The following ELMO1 variants were observed in gnomAD, a reference collection of about 807,000 sequenced individuals.
ELMO1 encodes engulfment and cell motility 1.
ELMO1 carries 26 observed loss-of-function variants against 98.9 expected under a neutral mutation model. The ratio of observed to expected loss-of-function variants is 0.26; its 90% CI spans 0.19 to 0.36. The LOEUF (loss-of-function observed/expected upper bound fraction) is 0.36, where lower values mean the gene tolerates loss of function less well. ELMO1 is among the 10% of genes least tolerant of loss of function. ELMO1 has a pLI of 1.00. For missense variants in ELMO1, 627 were observed against 935.2 expected, an observed-to-expected ratio of 0.67 and a Z score of 4.30; for synonymous variants, 346 against 346.0, an observed-to-expected ratio of 1.00 and a Z score of 0.00.
chr7:37,031,678 A>C (rs952578385), intron 15 of ELMO1, among the ~76,000 whole-genome samples: 7 of 152,152 alleles, frequency 4.6e-5, no homozygotes, highest in African/African-American at 1.7e-4. Context: ...CTTGAGGCTT[A>C]GGACTACGCC....
chr7:37,332,549 A>C (rs1312463996), intron 2 of ELMO1, among the ~76,000 whole-genome samples: 1 of 152,250 alleles, frequency 6.6e-6, no homozygotes, highest in Non-Finnish European at 1.5e-5. Flanking sequence ...CTTACACTTC[A>C]TCTGGGATGG....
intron 15 of ELMO1, among the ~76,000 whole-genome samples, chr7:37,014,398 GTCTT>G (rs567049797): frequency 5.0e-4 from 76 of 152,122 alleles, no homozygotes; most frequent in African/African-American, 1.8e-3. Flanking sequence ...TACAGTGAAA[GTCTT>G]TCTATTTTAT....
intron 14 of ELMO1, among the ~76,000 whole-genome samples, chr7:37,106,973 G>GC (rs930946397): frequency 6.6e-6 from 1 of 152,174 alleles, no homozygotes; most frequent in Admixed American, 6.5e-5. Context: ...TGCTGACGCT[G>GC]CAAGTCCAGG....
intron 1 of ELMO1, among the ~76,000 whole-genome samples, chr7:37,387,686 C>T (rs74830391): frequency 0.095 from 14,484 of 152,212 alleles, 754 homozygotes; most frequent in Non-Finnish European, 0.11. Flanking sequence ...GGAACTTACT[C>T]CTGTGGGAAA....
chr7:37,439,457 T>G (rs1405745617), intron 1 of ELMO1, among the ~76,000 whole-genome samples: 1 of 152,238 alleles, frequency 6.6e-6, no homozygotes, highest in Non-Finnish European at 1.5e-5. Flanking sequence ...CTGTTATGAC[T>G]GTCTCTAAAC....
chr7:37,034,311 C>T (rs919307049), intron 15 of ELMO1, among the ~76,000 whole-genome samples: 1 of 152,086 alleles, frequency 6.6e-6, no homozygotes, highest in Non-Finnish European at 1.5e-5. Flanking sequence ...TGAAGACACA[C>T]GAGAATATGG....
chr7:37,161,905 A>AATATATATATATATATATATATATATAT lies in ELMO1; in HGVS notation c.1087-28699_1087-28672dup, dbSNP rs6150082. Among the ~76,000 whole-genome samples the AATATATATATATATATATATATATATAT allele has an allele frequency of 9.7e-3, 411 of 42,318 alleles. 74 individuals are homozygous for AATATATATATATATATATATATATATAT. The highest frequency in any genetic ancestry group is 0.015 in the Non-Finnish European group (283 of 19,402). 27.8% of individuals were successfully genotyped at this position (42,318 alleles called of 152,430 possible). On this transcript the variant is annotated intron_variant, in intron 13 of 21. Coordinates refer to ENST00000310758, the MANE Select transcript of ELMO1 (RefSeq NM_014800.11). ...ATTATAGAAAGCCTTCAGGTAATCA[A>AATATATATATATATATATATATATATAT]ATATATATATATATATATATATATA... is the stretch of plus-strand genomic sequence containing the variant.
intron 13 of ELMO1, among the ~76,000 whole-genome samples, chr7:37,148,860 G>C (rs1183368866): frequency 6.6e-6 from 1 of 152,086 alleles, no homozygotes; most frequent in African/African-American, 2.4e-5. Flanking sequence ...TTTAAAACAA[G>C]GGATAAATAC....
chr7:37,448,142 G>A (rs1805723253), intron 1 of ELMO1, among the ~76,000 whole-genome samples: 1 of 150,124 alleles, frequency 6.7e-6, no homozygotes. Flanking sequence ...CCTCCCACGA[G>A]CGCGCTCGCC....
intron 13 of ELMO1, among the ~76,000 whole-genome samples, chr7:37,177,023 T>C (rs1584767006): frequency 6.6e-6 from 1 of 152,194 alleles, no homozygotes; most frequent in African/African-American, 2.4e-5. Context: ...CCAGCAGAAA[T>C]GGACATTGTA....
At chr7:36,960,872 G>A (rs1003950110) in intron 16 of ELMO1, among the ~76,000 whole-genome samples, 3 of 152,044 alleles carry the variant, frequency 2.0e-5, no homozygotes, top group African/African-American at 7.2e-5. Context: ...ACCAGACACC[G>A]CCTCCTCCAG....
intron 18 of ELMO1, among the ~76,000 whole-genome samples, chr7:36,880,126 C>T (rs1056667231): frequency 3.3e-5 from 5 of 152,210 alleles, no homozygotes; most frequent in African/African-American, 9.6e-5. Flanking sequence ...TAAAGTTTTC[C>T]TTTCCTTGCT....
chr7:37,402,795 A>C (rs1803589812), intron 1 of ELMO1, among the ~76,000 whole-genome samples: 1 of 152,218 alleles, frequency 6.6e-6, no homozygotes, highest in African/African-American at 2.4e-5. Flanking sequence ...ATTTTTCCAC[A>C]TATTATCTTT....
intron 13 of ELMO1, among the ~76,000 whole-genome samples, chr7:37,155,503 A>AAAAAAAAAAAAAAAAAAAAAAAAAAAT (rs61189239): frequency 1.5e-5 from 2 of 131,722 alleles, no homozygotes; most frequent in Non-Finnish European, 3.2e-5. Context: ...AAAAAAAAAA[A>AAAAAAAAAAAAAAAAAAAAAAAAAAAT]AAAAAGCAGG....
Position 37,211,429 on chromosome 7 carries a change from C to A in ELMO1, c.1043G>T (p.Arg348Leu). The A allele has an allele frequency of 1.2e-6, 2 of 1,613,978 alleles. No individual in the cohort carries two copies. Among genetic ancestry groups the A allele is most frequent in the East Asian group, 2.2e-5 (1 of 44,856 alleles). ...ATAATCTCGCGTGTACATGGACTTG[C>A]GTTTCTCCATGCTGCCACTGCTGTT... is the stretch of plus-strand genomic sequence containing the variant. ...PNNSSGSMEK[R>L]KSMYTRDYKK... Residue 348 changes from arginine (R) to leucine (L), a missense_variant, in exon 13 of 22, where the codon CGC becomes CTC. Physicochemically the swap from Arg to Leu is moderately radical, Grantham distance 102. Around this residue, in one of 3 missense-constraint regions of ELMO1, gnomAD observed 492 missense variants for 715.6 expected, o/e 0.69. Transcript: ENST00000310758.
intron 16 of ELMO1, among the ~76,000 whole-genome samples, chr7:36,970,180 A>AC (rs1554375584): frequency 6.9e-6 from 1 of 144,242 alleles, no homozygotes; most frequent in African/African-American, 2.6e-5. Flanking sequence ...TCATACACTT[A>AC]ACACACACAC....
chr7:37,210,012 T>C (rs1216311692), intron 13 of ELMO1, among the ~76,000 whole-genome samples: 4 of 152,210 alleles, frequency 2.6e-5, no homozygotes, highest in Admixed American at 6.5e-5. Flanking sequence ...ACTAACACTA[T>C]AAAAACAATA....
intron 16 of ELMO1, among the ~76,000 whole-genome samples, chr7:36,998,717 A>G (rs188901565): frequency 4.7e-4 from 71 of 151,932 alleles, no homozygotes; most frequent in African/African-American, 1.7e-3. Flanking sequence ...AAAATCAGTG[A>G]CTTTTGTGGC....
chr7:36,948,519 TA>T (rs1220270911), intron 16 of ELMO1, among the ~76,000 whole-genome samples: 1 of 152,220 alleles, frequency 6.6e-6, no homozygotes, highest in Non-Finnish European at 1.5e-5. Flanking sequence ...ATCAACTGTA[TA>T]AAATCACACA....
Sources: allele counts gnomAD v4.1 joint callset (sites outside exome capture counted in the v4.1 genomes callset), GRCh38; gene constraint gnomAD v4.1.1; regional missense constraint gnomAD v4.1.1; transcripts MANE v1.5; gene names NCBI Gene and HGNC (gene_info 2026-07-23, HGNC 2026-07-21).